DNAH14: variants seen among roughly 807,000 people sequenced by gnomAD.
DNAH14 encodes the protein axonemal beta dynein heavy chain 14.
DNAH14 carries 478 observed loss-of-function variants against 520.9 expected under a neutral mutation model. The observed-to-expected ratio is 0.92, with a 90% CI of 0.85 to 0.99. The LOEUF (loss-of-function observed/expected upper bound fraction) is 0.99. Ranked by LOEUF, DNAH14 falls within the 50% of genes least tolerant of loss-of-function variation. The pLI is 0.00. For synonymous variants in DNAH14, 1,581 were observed against 1,757.2 expected (o/e 0.90, Z 2.51); for missense variants, 4,831 against 5,234.5 (o/e 0.92, Z 2.38).
chr1:225,197,187 G>A (rs1263405211), intron 38 of DNAH14, among the ~76,000 whole-genome samples: 1 of 152,048 alleles, frequency 6.6e-6, no homozygotes, highest in Non-Finnish European at 1.5e-5. Flanking sequence ...TTAGATTTAA[G>A]CCCTTGATTC....
At chr1:225,225,042 A>T (rs2090410867) in intron 41 of DNAH14, among the ~76,000 whole-genome samples, 1 of 152,204 alleles carries the variant, frequency 6.6e-6, no homozygotes, top group Non-Finnish European at 1.5e-5. Flanking sequence ...GATCAAGCAG[A>T]CCTGCAAGTT....
rs971706256 is a variant in DNAH14, at chr1:225,283,902, T to C, written c.8272-5983T>C. Among the ~76,000 whole-genome samples, 8 of 152,130 alleles carry C rather than the reference T, an allele frequency of 5.3e-5. No homozygotes were observed. In the East Asian group the frequency reaches 1.3e-3, roughly 26 times the overall value. On this transcript the variant is annotated intron_variant, in intron 54 of 85. Coordinates refer to ENST00000682510, the MANE Select transcript of DNAH14 (RefSeq NM_001367479.1). The stretch of plus-strand genomic sequence containing the variant: ...AGGAAAGTTGGGATATTAATAACTA[T>C]GTGGAACTTTTACAACGTACTCCTA...
chr1:225,249,641 T>C (rs1197307285), intron 43 of DNAH14, among the ~76,000 whole-genome samples: 1 of 152,206 alleles, frequency 6.6e-6, no homozygotes, highest in Non-Finnish European at 1.5e-5. Context: ...TTCAAATATA[T>C]GTATCAATGA....
At chr1:225,130,155 A>G (rs1297607277) in intron 27 of DNAH14, among the ~76,000 whole-genome samples, 1 of 152,240 alleles carries the variant, frequency 6.6e-6, no homozygotes, top group East Asian at 1.9e-4. Flanking sequence ...CAATCATTAA[A>G]AAGTCAGGAA....
At chr1:225,151,043 A>G (rs946107172) in intron 31 of DNAH14, among the ~76,000 whole-genome samples, 1 of 152,170 alleles carries the variant, frequency 6.6e-6, no homozygotes. Context: ...TACTGGCCAC[A>G]TACCTGAAGA....
At chr1:225,385,019 G>T (rs1197920440) in intron 81 of DNAH14, among the ~76,000 whole-genome samples, 2 of 152,174 alleles carry the variant, frequency 1.3e-5, no homozygotes, top group Non-Finnish European at 2.9e-5. Flanking sequence ...ACATCAAAAA[G>T]CTTATCCACT....
At chr1:225,287,141 A>C (rs1012873918) in intron 54 of DNAH14, among the ~76,000 whole-genome samples, 1 of 152,208 alleles carries the variant, frequency 6.6e-6, no homozygotes, top group Non-Finnish European at 1.5e-5. Context: ...TGGTGAACAC[A>C]TGACACTATA....
At chr1:224,959,590 A>G (rs1245343742) in intron 3 of DNAH14, among the ~76,000 whole-genome samples, 1 of 152,090 alleles carries the variant, frequency 6.6e-6, no homozygotes, top group African/African-American at 2.4e-5. Context: ...CCATTCTTCT[A>G]TGTGTTAAGT....
intron 17 of DNAH14, among the ~76,000 whole-genome samples, chr1:225,061,919 A>G (rs1029799709): frequency 1.3e-5 from 2 of 152,232 alleles, no homozygotes; most frequent in Non-Finnish European, 2.9e-5. Context: ...GAGACTGCCT[A>G]TGTTCAAAAT....
intron 35 of DNAH14, among the ~76,000 whole-genome samples, chr1:225,164,259 C>T (rs1467418639): frequency 1.3e-5 from 2 of 152,066 alleles, no homozygotes; most frequent in African/African-American, 4.8e-5. Context: ...TCCTATATCC[C>T]TCTTTGGCCC....
intron 12 of DNAH14, among the ~76,000 whole-genome samples, chr1:225,041,557 C>T (rs2067482946): frequency 6.6e-6 from 1 of 152,196 alleles, no homozygotes; most frequent in South Asian, 2.1e-4. Flanking sequence ...AGCCTTACCA[C>T]ATGCTAGCAA....
intron 60 of DNAH14, among the ~76,000 whole-genome samples, chr1:225,314,901 G>A (rs1055920218): frequency 3.4e-4 from 52 of 152,114 alleles, no homozygotes; most frequent in African/African-American, 1.2e-3. Context: ...TGGTGAATCT[G>A]AGGATTATGC....
In DNAH14 at chr1:225,360,725, A is replaced by C; in HGVS notation, c.11821A>C (p.Lys3941Gln). ...CCTCCTGAGATTTGCACAAGAGTTA[A>C]AAGGAACAACACATCATGTGACCAT... ...NILLRFAQEL[K>Q]GTTHHVTIIS... The change falls in exon 75 of 86, where the codon AAA becomes CAA. Residue 3941 changes from lysine to glutamine, a missense_variant. Transcript: ENST00000682510. 1 of 1,551,730 alleles carries C rather than the reference A, an allele frequency of 6.4e-7. No homozygotes were observed. Among genetic ancestry groups the C allele is most frequent in the Non-Finnish European group, 8.7e-7 (1 of 1,146,982 alleles).
At chr1:225,336,035 A>ATATATGTATG (rs2095038487) in intron 66 of DNAH14, among the ~76,000 whole-genome samples, 1 of 85,250 alleles carries the variant, frequency 1.2e-5, no homozygotes, top group Admixed American at 1.3e-4. Flanking sequence ...ATGTATATAC[A>ATATATGTATG]CACATATATG....
rs546884338 is a variant in DNAH14, at chr1:225,345,905, A to G, written c.10679-57A>G. ...TACACAAAGAGTGCAGAGTGAGGAA[A>G]TAGCCATTTACTGTTACAATAGTCT... On this transcript the variant is annotated intron_variant, in intron 69 of 85. Transcript: ENST00000682510. 3.9e-4 allele frequency: 543 copies of G among 1,407,794 alleles called. 4 individuals carry two copies. The highest frequency in any genetic ancestry group is 4.7e-4 in the Non-Finnish European group (489 of 1,042,132). 87.2% of individuals were successfully genotyped at this position (1,407,794 alleles called of 1,614,324 possible).
rs1424780749 is a variant in DNAH14, at chr1:225,043,771, A to G, written c.1796A>G (p.Asn599Ser). Residue 599 changes from asparagine (N) to serine (S), a missense_variant, in exon 14 of 86, where the codon AAT (asparagine) becomes AGT (serine). Transcript: ENST00000682510. ...SDTEIETEFE[N>S]KYMYYEFPEF... is the part of the protein sequence containing the mutation. ...ACAGAAATTGAGACTGAGTTTGAGA[A>G]TAAATACATGTATTATGAGTAAGTA... 26 of 1,468,692 alleles carry G rather than the reference A, an allele frequency of 1.8e-5. No individual in the cohort carries two copies. The highest frequency in any genetic ancestry group is 2.3e-5 in the Non-Finnish European group (25 of 1,075,674). 91.0% of individuals were successfully genotyped at this position (1,468,692 alleles called of 1,614,324 possible).
In DNAH14 at chr1:225,324,202, A is replaced by G. The variant is rs898459465; in HGVS notation, c.9496-20A>G. ...ATAATATTTCTTTCTCATGTAATAC[A>G]TTAACTGTGTTCTCTCTAGGTTTTC... On this transcript the variant is annotated intron_variant, in intron 62 of 85. Coordinates refer to ENST00000682510, the MANE Select transcript of DNAH14 (RefSeq NM_001367479.1). 3 of 1,550,898 alleles carry G rather than the reference A, an allele frequency of 1.9e-6. No individual in the cohort carries two copies. Among genetic ancestry groups the G allele is most frequent in the African/African-American group, 2.7e-5 (2 of 73,018 alleles).
intron 8 of DNAH14, among the ~76,000 whole-genome samples, chr1:224,989,554 T>A (rs2062886686): frequency 6.6e-6 from 1 of 152,190 alleles, no homozygotes; most frequent in African/African-American, 2.4e-5. Context: ...TATATGGCTT[T>A]ATTTCCTCTT....
chr1:225,352,869 C>T (rs1222793265), intron 72 of DNAH14, among the ~76,000 whole-genome samples: 2 of 151,952 alleles, frequency 1.3e-5, no homozygotes, highest in African/African-American at 2.4e-5. Flanking sequence ...TCTCCTCCTC[C>T]CACAGTTTTC....
Sources: allele counts gnomAD v4.1 joint callset (sites outside exome capture counted in the v4.1 genomes callset), GRCh38; gene constraint gnomAD v4.1.1; transcripts MANE v1.5; gene names NCBI Gene and HGNC (gene_info 2026-07-23, HGNC 2026-07-21).